Variants in ARK2C observed in about 807,000 individuals in gnomAD.
The protein encoded by ARK2C is E3 ubiquitin-protein ligase ARK2C.
At chr18:46,425,259 C>A in the ARK2C span, among the ~76,000 whole-genome samples, 1 of 152,218 alleles carries the variant, frequency 6.6e-6, no homozygotes, top group Non-Finnish European at 1.5e-5. Flanking sequence ...TCCCATCCTA[C>A]TCTCCCAGGA....
At chr18:46,440,868 T>G in the ARK2C span, among the ~76,000 whole-genome samples, 1 of 152,208 alleles carries the variant, frequency 6.6e-6, no homozygotes, top group Non-Finnish European at 1.5e-5. Context: ...AGGGTTTTTT[T>G]TTTCCTTGAA....
At chr18:46,371,862 C>T in the ARK2C span, among the ~76,000 whole-genome samples, 1 of 152,204 alleles carries the variant, frequency 6.6e-6, no homozygotes, top group African/African-American at 2.4e-5. Flanking sequence ...GCAGCATCCT[C>T]GCTGTTCAGA....
the ARK2C span, chr18:46,462,149 C>T: frequency 6.6e-6 from 1 of 152,350 alleles, no homozygotes; most frequent in Non-Finnish European, 1.5e-5. Context: ...AGTGGGCCTC[C>T]AGTCCCCCTG....
At chr18:46,439,781 A>G in the ARK2C span, among the ~76,000 whole-genome samples, 86 of 152,344 alleles carry the variant, frequency 5.6e-4, 1 homozygote, top group African/African-American at 2.0e-3. Context: ...TCACACATAT[A>G]TGTTATCCAG....
the ARK2C span, among the ~76,000 whole-genome samples, chr18:46,344,414 C>T: frequency 2.0e-5 from 3 of 151,876 alleles, no homozygotes; most frequent in African/African-American, 7.3e-5. Flanking sequence ...CATGCCACCC[C>T]CTCCTCAAAA....
chr18:46,351,573 C>T, the ARK2C span, among the ~76,000 whole-genome samples: 1 of 152,204 alleles, frequency 6.6e-6, no homozygotes, highest in Admixed American at 6.5e-5. Context: ...AAGCCCAGCC[C>T]CTTCCTGCTA....
the ARK2C span, chr18:46,334,381 G>T: frequency 6.5e-7 from 1 of 1,541,578 alleles, no homozygotes; most frequent in Non-Finnish European, 8.8e-7. This position sits in a 1 kb window ranked among gnomAD's most constrained non-coding sequence, Gnocchi z 4.4. Context: ...GTGGATCGCC[G>T]CAGGCACCGG....
the ARK2C span, among the ~76,000 whole-genome samples, chr18:46,359,391 C>T: frequency 2.0e-5 from 3 of 152,154 alleles, no homozygotes; most frequent in African/African-American, 7.2e-5. Context: ...CAGGCAAAGG[C>T]CTCCTGAGCA....
the ARK2C span, among the ~76,000 whole-genome samples, chr18:46,455,536 T>C: frequency 6.6e-6 from 1 of 152,214 alleles, no homozygotes; most frequent in Middle Eastern, 3.4e-3. Context: ...GAGTTCTGGG[T>C]ATTACTTAAG....
chr18:46,459,604 CCCT>C, the ARK2C span: 1 of 152,334 alleles, frequency 6.6e-6, no homozygotes, highest in Non-Finnish European at 1.5e-5. Flanking sequence ...ACCCTGAAGC[CCCT>C]CCTCCTTCCC....
At chr18:46,415,371 T>A in the ARK2C span, among the ~76,000 whole-genome samples, 9 of 151,724 alleles carry the variant, frequency 5.9e-5, no homozygotes, top group African/African-American at 1.7e-4. Context: ...ATACAAAAAA[T>A]TTTTTATATT....
At chr18:46,440,256 A>G in the ARK2C span, among the ~76,000 whole-genome samples, 1 of 151,980 alleles carries the variant, frequency 6.6e-6, no homozygotes, top group Non-Finnish European at 1.5e-5. Context: ...TGAAGATATT[A>G]CAGCATTTTG....
At chr18:46,428,704 T>A in the ARK2C span, among the ~76,000 whole-genome samples, 1 of 152,234 alleles carries the variant, frequency 6.6e-6, no homozygotes, top group Non-Finnish European at 1.5e-5. Context: ...GGAAAGAGTT[T>A]TAAAAAGCTC....
At chr18:46,402,194 C>A in the ARK2C span, among the ~76,000 whole-genome samples, 65 of 152,292 alleles carry the variant, frequency 4.3e-4, no homozygotes, top group East Asian at 0.012. Flanking sequence ...AGCATCTATA[C>A]CCTGTTGGTT....
At chr18:46,433,454 T>TGCA in the ARK2C span, 1 of 1,612,880 alleles carries the variant, frequency 6.2e-7, no homozygotes, top group Non-Finnish European at 8.5e-7. Flanking sequence ...CAATACCTCC[T>TGCA]GCAGCAGCAG....
chr18:46,337,360 T>C, the ARK2C span: 1 of 985,438 alleles, frequency 1.0e-6, no homozygotes, highest in Non-Finnish European at 1.2e-6. Flanking sequence ...TTTGGTTGTG[T>C]ATCTTTTTCA....
the ARK2C span, among the ~76,000 whole-genome samples, chr18:46,369,353 G>GT: frequency 6.7e-6 from 1 of 148,792 alleles, no homozygotes; most frequent in South Asian, 2.1e-4. Context: ...AGCAGAGAGT[G>GT]TTGTAGAATC....
chr18:46,377,396 G>T, the ARK2C span, among the ~76,000 whole-genome samples: 1 of 152,156 alleles, frequency 6.6e-6, no homozygotes, highest in Non-Finnish European at 1.5e-5. Context: ...GAGGCCAAGA[G>T]AACAGACAAA....
At chr18:46,413,258 G>T in the ARK2C span, among the ~76,000 whole-genome samples, 1 of 152,152 alleles carries the variant, frequency 6.6e-6, no homozygotes, top group Non-Finnish European at 1.5e-5. Context: ...TTATAAAGCA[G>T]CGTCGCTCAA....
Sources: allele counts gnomAD v4.1 joint callset (sites outside exome capture counted in the v4.1 genomes callset), GRCh38; gene constraint gnomAD v4.1.1; non-coding constraint Gnocchi (gnomAD v3.1); transcripts MANE v1.5; gene names NCBI Gene and HGNC (gene_info 2026-07-23, HGNC 2026-07-21).